The following PEX5L variants were observed in gnomAD, a reference collection of about 807,000 sequenced individuals.
PEX5L encodes the protein peroxisomal biogenesis factor 5 like, also known as PEX5-related protein.
PEX5L carries 30 observed loss-of-function variants against 84.0 expected under a neutral mutation model. That is an observed-to-expected ratio of 0.36 (90% CI 0.27 to 0.48). PEX5L has a LOEUF of 0.48. PEX5L is among the 20% of genes least tolerant of loss of function. PEX5L has a pLI of 0.99. For synonymous variants in PEX5L, 270 were observed against 283.1 expected (o/e 0.95, Z 0.46); for missense variants, 533 against 754.6 (o/e 0.71, Z 3.44).
intron 1 of PEX5L, among the ~76,000 whole-genome samples, chr3:179,984,558 G>A (rs1385041915): frequency 6.6e-6 from 1 of 152,032 alleles, no homozygotes; most frequent in Admixed American, 6.6e-5. Context: ...GGATATAGAC[G>A]CATGGAGACA....
intron 2 of PEX5L, among the ~76,000 whole-genome samples, chr3:179,928,799 A>T (rs1167965816): frequency 6.6e-6 from 1 of 152,200 alleles, no homozygotes; most frequent in Non-Finnish European, 1.5e-5. Flanking sequence ...TAAAGAACAA[A>T]ACTACTGGAG....
At position 179,797,605 on chromosome 3, in the gene PEX5L, A is replaced by AAAAATATATATATATATATAT. The variant is rs1553807980; in HGVS notation, c.*4222_*4223insATATATATATATATATATTTT. ...AACACTCTTTAAAAAAAAAAAAAAAAATATATATATATATATATATATATA... is the reference window on the plus strand; with the variant it reads ...AACACTCTTTAAAAAAAAAAAAAAAAAAAATATATATATATATATATATATATATATATATATATATATATA... On this transcript the variant is annotated 3_prime_UTR_variant, in exon 15 of 15. Coordinates refer to ENST00000467460, the MANE Select transcript of PEX5L (RefSeq NM_016559.3). 3 of 89,172 alleles carry AAAAATATATATATATATATAT rather than the reference A, an allele frequency of 3.4e-5. No homozygotes were observed. Among genetic ancestry groups the AAAAATATATATATATATATAT allele is most frequent in the African/African-American group, 1.4e-4 (3 of 22,198 alleles). 5.5% of individuals were successfully genotyped at this position (89,172 alleles called of 1,614,324 possible). A position where few individuals can be genotyped will look rare whatever the true frequency, so the allele number is the denominator to read the frequency against.
intron 3 of PEX5L, among the ~76,000 whole-genome samples, chr3:179,893,107 T>G (rs1242756766): frequency 6.6e-6 from 1 of 152,158 alleles, no homozygotes; most frequent in Non-Finnish European, 1.5e-5. Flanking sequence ...CCATTACACC[T>G]TCTTTGTAAT....
intron 2 of PEX5L, among the ~76,000 whole-genome samples, chr3:179,970,792 A>G (rs1319454432): frequency 1.3e-5 from 2 of 152,086 alleles, no homozygotes; most frequent in Admixed American, 1.3e-4. Context: ...TTTCTCTCTA[A>G]TCTCTTAATC....
At chr3:179,844,731 G>A (rs528316082) in intron 8 of PEX5L, among the ~76,000 whole-genome samples, 1 of 152,310 alleles carries the variant, frequency 6.6e-6, no homozygotes, top group African/African-American at 2.4e-5. Context: ...TCGGGAGGCT[G>A]AGGCAGGAGA....
chr3:179,813,434 T>C (rs541533678), intron 10 of PEX5L, among the ~76,000 whole-genome samples: 241 of 152,354 alleles, frequency 1.6e-3, no homozygotes, highest in Middle Eastern at 3.4e-3. Context: ...ATTATTATTT[T>C]TAGGGGGTGG....
chr3:179,927,479 T>A (rs1432379689), intron 2 of PEX5L, among the ~76,000 whole-genome samples: 3 of 152,120 alleles, frequency 2.0e-5, no homozygotes, highest in Non-Finnish European at 4.4e-5. Context: ...CAGAGAGTGG[T>A]ATGTGGACTG....
rs149218519 is a variant in PEX5L at position 179,820,048 on chromosome 3, CT to C, written c.823-73del. ...CATCATCTGTGTTTTTCTTCCCCCC[CT>C]AATAGATAAAAGAGGCTTCTGGGGA... On this transcript the variant is annotated intron_variant, in intron 8 of 14. Transcript: ENST00000467460. 2.9e-3 allele frequency: 4,648 copies of C among 1,599,386 alleles called. 41 individuals are homozygous for C. The African/African-American group carries it at 0.034, about 12-fold the overall frequency.
At chr3:179,987,068 A>T (rs968468393) in intron 1 of PEX5L, among the ~76,000 whole-genome samples, 6 of 152,166 alleles carry the variant, frequency 3.9e-5, no homozygotes, top group Admixed American at 2.0e-4. Context: ...CAAATTGTTT[A>T]CCTTTCTGTG....
At chr3:179,808,562 A>C in intron 12 of PEX5L, 125 bp from the exon 13 acceptor site, 6 of 595,624 alleles carry the variant, frequency 1.0e-5, no homozygotes, top group Non-Finnish European at 1.7e-5. Flanking sequence ...TTTGCTTAAA[A>C]TACCTTAACT....
At chr3:179,847,081 G>GTATATA (rs80254022) in intron 8 of PEX5L, among the ~76,000 whole-genome samples, 3,154 of 105,506 alleles carry the variant, frequency 0.03, 114 homozygotes, top group African/African-American at 0.081. Flanking sequence ...GTGTGTGTGT[G>GTATATA]TATATATATA....
At chr3:179,890,576 T>G (rs1388098324) in intron 3 of PEX5L, among the ~76,000 whole-genome samples, 10 of 152,222 alleles carry the variant, frequency 6.6e-5, no homozygotes, top group Non-Finnish European at 1.2e-4. Flanking sequence ...TTCATAATTT[T>G]GAGAAATATC....
chr3:179,864,481 T>C (rs2108591951), intron 7 of PEX5L, among the ~76,000 whole-genome samples: 1 of 152,124 alleles, frequency 6.6e-6, no homozygotes, highest in South Asian at 2.1e-4. Flanking sequence ...TCGAAAAAAC[T>C]TGAACCCATA....
intron 1 of PEX5L, chr3:179,973,427 CTGAAA>C (rs1217408096): frequency 1.8e-6 from 2 of 1,119,540 alleles, no homozygotes; most frequent in Non-Finnish European, 2.2e-6. Context: ...AAAAAACTCA[CTGAAA>C]TGAAAATTTC....
intron 6 of PEX5L, among the ~76,000 whole-genome samples, 198 bp from the exon 7 acceptor site, chr3:179,874,621 G>C (rs1751530132): frequency 6.6e-6 from 1 of 151,140 alleles, no homozygotes; most frequent in African/African-American, 2.4e-5. Flanking sequence ...CAGTGTGCTA[G>C]GTGTTATTAT....
intron 7 of PEX5L, among the ~76,000 whole-genome samples, chr3:179,866,812 C>T (rs891847915): frequency 6.6e-6 from 1 of 151,740 alleles, no homozygotes; most frequent in African/African-American, 2.4e-5. Context: ...ATTGCCCGAG[C>T]TCGGGAGTTT....
intron 1 of PEX5L, among the ~76,000 whole-genome samples, chr3:180,008,959 A>T (rs966816223): frequency 2.6e-5 from 4 of 152,252 alleles, no homozygotes; most frequent in Non-Finnish European, 5.9e-5. Context: ...ATGTTTGCAT[A>T]CTTCAGATTA....
intron 2 of PEX5L, among the ~76,000 whole-genome samples, chr3:179,938,136 G>GT (rs1360791867): frequency 2.0e-5 from 3 of 151,994 alleles, no homozygotes; most frequent in African/African-American, 7.2e-5. Flanking sequence ...CATCTTAAAG[G>GT]TAAACTCTGC....
At chr3:179,982,408 T>C (rs536861272) in intron 1 of PEX5L, among the ~76,000 whole-genome samples, 1 of 152,332 alleles carries the variant, frequency 6.6e-6, no homozygotes, top group Admixed American at 6.5e-5. Context: ...ACTGACGATC[T>C]TCTTCCATTT....
Sources: allele counts gnomAD v4.1 joint callset (sites outside exome capture counted in the v4.1 genomes callset), GRCh38; gene constraint gnomAD v4.1.1; transcripts MANE v1.5; gene names NCBI Gene and HGNC (gene_info 2026-07-23, HGNC 2026-07-21).